The following TPD52L2 variants were observed in gnomAD, a reference collection of about 807,000 sequenced individuals.
TPD52L2 encodes the protein TPD52 like 2, also known as tumor protein D54.
Under a neutral mutation model 24.7 loss-of-function variants are expected in TPD52L2, and 19 were observed. The ratio of observed to expected loss-of-function variants is 0.77; its 90% CI spans 0.54 to 1.13. The LOEUF is 1.13. Among genes scored for constraint, TPD52L2 ranks in the 50% most tolerant of loss-of-function variants. The pLI is 0.00. For synonymous variants in TPD52L2, 104 were observed against 100.2 expected, an observed-to-expected ratio of 1.04 and a Z score of -0.23; for missense variants, 236 against 250.4, an observed-to-expected ratio of 0.94 and a Z score of 0.39.
chr20:63,867,345 C>A (rs2052290250), intron 1 of TPD52L2, among the ~76,000 whole-genome samples: 1 of 152,170 alleles, frequency 6.6e-6, no homozygotes, highest in Non-Finnish European at 1.5e-5. Flanking sequence ...GCCAGTGGAT[C>A]ACTTGAGGTC....
intron 4 of TPD52L2, among the ~76,000 whole-genome samples, chr20:63,879,416 C>G (rs1294571955): frequency 6.6e-6 from 1 of 152,036 alleles, no homozygotes; most frequent in Admixed American, 6.5e-5. Context: ...TGGCATTTAC[C>G]CACCCACAGG....
intron 5 of TPD52L2, chr20:63,887,058 G>A (rs772375709): frequency 1.1e-4 from 22 of 191,436 alleles, no homozygotes; most frequent in Admixed American, 3.8e-4. Flanking sequence ...TTTACTACCC[G>A]AGAGCCCATA....
intron 5 of TPD52L2, 150 bp downstream of exon 5, chr20:63,882,970 G>A (rs1053455889): frequency 1.7e-5 from 11 of 628,818 alleles, no homozygotes; most frequent in Middle Eastern, 4.3e-4. Context: ...ACCAGTCTGT[G>A]TGCAGACCCT....
intron 3 of TPD52L2, 125 bp from the exon 4 acceptor site, chr20:63,875,691 C>G: frequency 1.1e-6 from 1 of 943,670 alleles, no homozygotes; most frequent in South Asian, 1.5e-5. Flanking sequence ...ATTTTTGGGC[C>G]GTCTGTGGAG....
At chr20:63,866,758 CTTT>C (rs773870171) in intron 1 of TPD52L2, among the ~76,000 whole-genome samples, 1 of 124,518 alleles carries the variant, frequency 8.0e-6, no homozygotes, top group African/African-American at 3.0e-5. Flanking sequence ...CGCGCCTGGC[CTTT>C]TTTTTTTTTT....
chr20:63,877,091 T>C lies in TPD52L2; in HGVS notation c.374+1216T>C, dbSNP rs1303292162. The stretch of plus-strand genomic sequence containing the variant: ...CCCAGGCTGGAGTGCAGTGGCGCCA[T>C]CTGGGCTCACTGCAAGCTCCGCCTC... On this transcript the variant is annotated intron_variant, in intron 4 of 6. Coordinates refer to ENST00000346249, the MANE Select transcript of TPD52L2 (RefSeq NM_003288.4). The surrounding 1 kb of genome is among the most constrained non-coding windows in gnomAD (Gnocchi z 4.1). 7.3e-6 allele frequency: 3 copies of C among 412,698 alleles called. No individual in the cohort carries two copies. The highest frequency in any genetic ancestry group is 5.7e-5 in the Admixed American group (2 of 34,794). The allele number at this position is 412,698 out of a possible 1,614,324, so 25.6% of individuals were successfully genotyped here.
intron 2 of TPD52L2, among the ~76,000 whole-genome samples, chr20:63,869,711 C>T (rs368652311): frequency 1.3e-5 from 2 of 152,344 alleles, no homozygotes; most frequent in East Asian, 3.9e-4. Flanking sequence ...GGAGTGTTCA[C>T]ACATGAACCG....
chr20:63,890,334 C>T lies in TPD52L2; in HGVS notation c.*389C>T, dbSNP rs1043247359. Reference sequence around the variant, plus strand: ...ATAAGTGGCATTTTCTGACTTCTTCCTCCTCCTCCTTCCCTGACTCACAGA... The same window carrying T: ...ATAAGTGGCATTTTCTGACTTCTTCTTCCTCCTCCTTCCCTGACTCACAGA... On this transcript the variant is annotated 3_prime_UTR_variant, in exon 7 of 7. Coordinates refer to ENST00000346249, the MANE Select transcript of TPD52L2 (RefSeq NM_003288.4). The T allele has an allele frequency of 2.3e-5, 6 of 257,124 alleles. No homozygotes were observed. The highest frequency in any genetic ancestry group is 5.5e-5 in the Admixed American group (1 of 18,316). The allele number at this position is 257,124 out of a possible 1,614,324, so 15.9% of individuals were successfully genotyped here. A position where few individuals can be genotyped will look rare whatever the true frequency, so the allele number is the denominator to read the frequency against.
At chr20:63,873,345 C>T (rs750526908) in intron 2 of TPD52L2, among the ~76,000 whole-genome samples, 6 of 151,768 alleles carry the variant, frequency 4.0e-5, no homozygotes, top group East Asian at 2.0e-4. Context: ...CAAAATTAGC[C>T]GGGCAGGGTG....
chr20:63,885,539 C>T (rs192659749), intron 5 of TPD52L2, among the ~76,000 whole-genome samples: 39 of 152,336 alleles, frequency 2.6e-4, no homozygotes, highest in South Asian at 1.2e-3. Context: ...CATCCTCCCA[C>T]GGTGCGTGTG....
At chr20:63,886,613 T>C (rs1357762026) in intron 5 of TPD52L2, among the ~76,000 whole-genome samples, 1 of 151,322 alleles carries the variant, frequency 6.6e-6, no homozygotes, top group Admixed American at 6.6e-5. Flanking sequence ...CCTCCCAAAG[T>C]GCTGGGATTA....
chr20:63,890,331 T>C lies in TPD52L2; in HGVS notation c.*386T>C, dbSNP rs1010372615. ...AAAATAAGTGGCATTTTCTGACTTC[T>C]TCCTCCTCCTCCTTCCCTGACTCAC... On this transcript the variant is annotated 3_prime_UTR_variant, in exon 7 of 7. Coordinates refer to ENST00000346249, the MANE Select transcript of TPD52L2 (RefSeq NM_003288.4). 4.5e-5 allele frequency: 12 copies of C among 266,820 alleles called. No individual in the cohort carries two copies. Among genetic ancestry groups the C allele is most frequent in the South Asian group, 1.2e-4 (1 of 8,368 alleles). The allele number at this position is 266,820 out of a possible 1,614,324, so 16.5% of individuals were successfully genotyped here. A position where few individuals can be genotyped will look rare whatever the true frequency, so the allele number is the denominator to read the frequency against.
At chr20:63,884,959 C>T (rs1023114373) in intron 5 of TPD52L2, among the ~76,000 whole-genome samples, 3 of 152,146 alleles carry the variant, frequency 2.0e-5, no homozygotes, top group Admixed American at 1.3e-4. Flanking sequence ...CGTCTGGAGC[C>T]CCTGGTGTAT....
In TPD52L2 at chr20:63,882,593, T is replaced by C. The variant is rs542373647; in HGVS notation, c.375-126T>C. The C allele has an allele frequency of 8.4e-5, 63 of 752,190 alleles. No homozygotes were observed. The African/African-American group carries it at 1.0e-3, about 12-fold the overall frequency. The allele number at this position is 752,190 out of a possible 1,614,324, so 46.6% of individuals were successfully genotyped here. On this transcript the variant is annotated intron_variant, in intron 4 of 6. Transcript: ENST00000346249. ...ACCCCCTCTGTAGACACCTGGCGAG[T>C]GTCCACCCCTTGGCCCAGCTCCTTT...
chr20:63,888,415 A>G (rs551969251), intron 5 of TPD52L2: 1 of 151,898 alleles, frequency 6.6e-6, no homozygotes, highest in East Asian at 1.9e-4. Context: ...GGGACAGCAG[A>G]GAGGGGCCGA....
At chr20:63,887,320 T>A in intron 5 of TPD52L2, 3 of 622,630 alleles carry the variant, frequency 4.8e-6, no homozygotes, top group Non-Finnish European at 2.9e-6. Flanking sequence ...CAGCTTCCTA[T>A]GGCAGTGCTC....
chr20:63,866,695 G>T (rs979145358), intron 1 of TPD52L2, among the ~76,000 whole-genome samples: 16 of 150,186 alleles, frequency 1.1e-4, no homozygotes, highest in Admixed American at 2.7e-4. Flanking sequence ...CCCTGACCTC[G>T]TGATCTGCTT....
Position 63,869,319 on chromosome 20 carries a change from A to G in TPD52L2, c.43A>G (p.Lys15Glu). The G allele has an allele frequency of 6.2e-7, 1 of 1,614,094 alleles. No homozygotes were observed. Among genetic ancestry groups the G allele is most frequent in the African/African-American group, 1.3e-5 (1 of 75,004 alleles). Residue 15 changes from lysine to glutamate, a missense_variant, in exon 2 of 7, where the codon AAA (lysine) becomes GAA (glutamate). By Grantham distance (56) the Lys-to-Glu change is moderately conservative. Coordinates refer to ENST00000346249, the MANE Select transcript of TPD52L2 (RefSeq NM_003288.4). ...GQDINLNSPN[K>E]GLLSDSMTDV... is the part of the protein sequence containing the mutation. Reference sequence around the variant, plus strand: ...AGATATCAACCTGAATTCTCCTAACAAAGGTCTGCTGTCTGACTCCATGAC... The same window carrying G: ...AGATATCAACCTGAATTCTCCTAACGAAGGTCTGCTGTCTGACTCCATGAC...
chr20:63,876,290 TGGGTTCTCA>T (rs1325246922), intron 4 of TPD52L2, among the ~76,000 whole-genome samples: 1 of 152,260 alleles, frequency 6.6e-6, no homozygotes, highest in Admixed American at 6.5e-5. Flanking sequence ...CTCCAGCTGT[TGGGTTCTCA>T]GAATTCCTTT....
Sources: gnomAD v4.1 joint callset for allele counts (sites outside exome capture counted in the v4.1 genomes callset) on GRCh38, gnomAD v4.1.1 for gene constraint, Gnocchi (gnomAD v3.1) non-coding constraint, MANE v1.5 for transcripts, NCBI Gene and HGNC (gene_info 2026-07-23, HGNC 2026-07-21) for gene names.